DLGAP2: variants seen among roughly 807,000 people sequenced by gnomAD.
DLGAP2 encodes the protein DLG associated protein 2.
Under a neutral mutation model 100.3 loss-of-function variants are expected in DLGAP2, and 26 were observed. The observed-to-expected ratio is 0.26, with a 90% CI of 0.19 to 0.36. The LOEUF is 0.36. Ranked by LOEUF, DLGAP2 falls within the 10% of genes least tolerant of loss-of-function variation. DLGAP2 has a pLI of 1.00. For synonymous variants in DLGAP2, 886 were observed against 630.1 expected, an observed-to-expected ratio of 1.41 and a Z score of -6.08; for missense variants, 1,858 against 1,453.2, an observed-to-expected ratio of 1.28 and a Z score of -4.53.
intron 1 of DLGAP2, among the ~76,000 whole-genome samples, chr8:790,640 A>G (rs910576789): frequency 2.6e-5 from 4 of 152,176 alleles, no homozygotes; most frequent in Non-Finnish European, 5.9e-5. Context: ...TATTTGGTCT[A>G]TGCTGACAAG....
chr8:1,081,635 C>A (rs78093541), intron 2 of DLGAP2, among the ~76,000 whole-genome samples: 1 of 152,138 alleles, frequency 6.6e-6, no homozygotes, highest in African/African-American at 2.4e-5. Flanking sequence ...ACAGGCGTGA[C>A]CCCCACGCCT....
At chr8:1,629,912 C>T (rs1014128470) in intron 7 of DLGAP2, among the ~76,000 whole-genome samples, 2 of 152,174 alleles carry the variant, frequency 1.3e-5, no homozygotes, top group East Asian at 1.9e-4. Flanking sequence ...CTCTCGTCAT[C>T]TTGCTTTTGA....
chr8:1,289,411 G>A (rs145834327), intron 3 of DLGAP2, among the ~76,000 whole-genome samples: 1 of 152,190 alleles, frequency 6.6e-6, no homozygotes, highest in Non-Finnish European at 1.5e-5. Flanking sequence ...GTTCAGAGTG[G>A]TTGCTACACA....
intron 10 of DLGAP2, among the ~76,000 whole-genome samples, chr8:1,674,785 T>A (rs1180851756): frequency 6.6e-6 from 1 of 152,172 alleles, no homozygotes; most frequent in Non-Finnish European, 1.5e-5. Flanking sequence ...ATAACCAAAT[T>A]TCCCCTGCAC....
At chr8:1,026,510 T>C (rs1801804968) in intron 2 of DLGAP2, among the ~76,000 whole-genome samples, 2 of 152,238 alleles carry the variant, frequency 1.3e-5, no homozygotes, top group Admixed American at 6.5e-5. Context: ...CTGGCTGGGC[T>C]GCCAGTTTTT....
intron 2 of DLGAP2, among the ~76,000 whole-genome samples, chr8:1,158,686 G>A (rs909127132): frequency 1.6e-4 from 24 of 152,320 alleles, no homozygotes; most frequent in African/African-American, 5.5e-4. Context: ...GAGTGACGCC[G>A]TCCACGGCAG....
At chr8:1,498,222 A>G (rs867703822) in intron 3 of DLGAP2, among the ~76,000 whole-genome samples, 25 of 152,336 alleles carry the variant, frequency 1.6e-4, no homozygotes, top group Admixed American at 2.6e-4. Flanking sequence ...CACCGTGCAG[A>G]GGAAGCCTCC....
At chr8:1,287,987 T>G (rs1799979131) in intron 3 of DLGAP2, among the ~76,000 whole-genome samples, 2 of 45,298 alleles carry the variant, frequency 4.4e-5, no homozygotes, top group Admixed American at 2.4e-4. Flanking sequence ...TTCGGTTGAG[T>G]GTGTGTGTGT....
intron 3 of DLGAP2, among the ~76,000 whole-genome samples, chr8:1,501,086 G>T (rs73672746): frequency 0.044 from 6,744 of 152,170 alleles, 481 homozygotes; most frequent in African/African-American, 0.15. Flanking sequence ...AGTTAGGCCA[G>T]AGTTAAAGCT....
intron 2 of DLGAP2, among the ~76,000 whole-genome samples, chr8:1,072,537 G>T (rs958045335): frequency 6.6e-6 from 1 of 152,158 alleles, no homozygotes; most frequent in South Asian, 2.1e-4. Context: ...TCTCCCCGCG[G>T]TAGTGCAGGC....
intron 2 of DLGAP2, among the ~76,000 whole-genome samples, chr8:1,092,517 G>A (rs1804219414): frequency 6.6e-6 from 1 of 152,178 alleles, no homozygotes. Context: ...AGGGCCCTGG[G>A]TCTGGGGTCT....
At chr8:900,027 C>T (rs1350692558) in intron 1 of DLGAP2, among the ~76,000 whole-genome samples, 3 of 152,218 alleles carry the variant, frequency 2.0e-5, no homozygotes, top group East Asian at 1.9e-4. Flanking sequence ...TCTTTAAGAC[C>T]TTTGTGTTTG....
At chr8:1,420,303 G>A (rs1797053638) in intron 3 of DLGAP2, among the ~76,000 whole-genome samples, 5 of 152,098 alleles carry the variant, frequency 3.3e-5, no homozygotes, top group Admixed American at 3.3e-4. Context: ...TTATTACTTA[G>A]GAAACCATGG....
chr8:1,538,521 C>T (rs1398200073), intron 4 of DLGAP2, among the ~76,000 whole-genome samples: 1 of 152,164 alleles, frequency 6.6e-6, no homozygotes, highest in Non-Finnish European at 1.5e-5. Flanking sequence ...ATAAGATAAC[C>T]ATTTTGTGAA....
intron 2 of DLGAP2, among the ~76,000 whole-genome samples, chr8:1,200,833 T>C (rs944059420): frequency 6.6e-5 from 10 of 152,218 alleles, no homozygotes; most frequent in African/African-American, 2.2e-4. Context: ...TTTCGCTTTG[T>C]TTTCCGTTCC....
intron 3 of DLGAP2, among the ~76,000 whole-genome samples, chr8:1,348,052 G>T (rs1298448010): frequency 1.3e-5 from 2 of 151,032 alleles, no homozygotes; most frequent in Non-Finnish European, 3.0e-5. Flanking sequence ...TTCCCACACA[G>T]AGCTGCGCTG....
intron 3 of DLGAP2, among the ~76,000 whole-genome samples, chr8:1,470,624 T>A (rs377759767): frequency 6.6e-6 from 1 of 152,250 alleles, no homozygotes; most frequent in African/African-American, 2.4e-5. Context: ...ATAAATAGTT[T>A]AACAGAACAA....
At chr8:1,221,496 C>A (rs780454678) in intron 2 of DLGAP2, among the ~76,000 whole-genome samples, 1 of 152,118 alleles carries the variant, frequency 6.6e-6, no homozygotes, top group Non-Finnish European at 1.5e-5. Context: ...TCCCTTGGTA[C>A]ATGACCTGCC....
intron 6 of DLGAP2, among the ~76,000 whole-genome samples, chr8:1,615,084 G>T (rs1441913727): frequency 1.3e-5 from 2 of 152,244 alleles, no homozygotes; most frequent in African/African-American, 4.8e-5. Flanking sequence ...ATTTGGGGTT[G>T]CCAGAAGAGG....
Sources: allele counts gnomAD v4.1 joint callset (sites outside exome capture counted in the v4.1 genomes callset), GRCh38; gene constraint gnomAD v4.1.1; transcripts MANE v1.5; gene names NCBI Gene and HGNC (gene_info 2026-07-23, HGNC 2026-07-21).